RTBDN: variants seen among roughly 807,000 people sequenced by gnomAD.
RTBDN encodes retbindin.
In RTBDN, 24 loss-of-function variants were observed where a neutral mutation model predicts 21.9. The observed-to-expected ratio is 1.10, with a 90% CI of 0.79 to 1.54. The LOEUF (loss-of-function observed/expected upper bound fraction) is 1.54. RTBDN is among the 40% of genes most tolerant of loss of function. RTBDN has a pLI of 0.00. For synonymous variants in RTBDN, 141 were observed against 125.9 expected (o/e 1.12, Z -0.80); for missense variants, 325 against 315.2 (o/e 1.03, Z -0.23).
intron 2 of RTBDN, among the ~76,000 whole-genome samples, chr19:12,829,538 G>C (rs1308315731): frequency 2.0e-5 from 3 of 152,134 alleles, no homozygotes; most frequent in Non-Finnish European, 4.4e-5. Context: ...CAACAGCTCT[G>C]CGAGGTATAT....
chr19:12,827,804 C>T (rs1969373099), intron 4 of RTBDN, among the ~76,000 whole-genome samples: 1 of 152,086 alleles, frequency 6.6e-6, no homozygotes, highest in Non-Finnish European at 1.5e-5. Context: ...TAAGAAATCT[C>T]AGGGCCTGGC....
intron 5 of RTBDN, chr19:12,826,188 G>T (rs1208311312): frequency 2.9e-6 from 4 of 1,360,814 alleles, no homozygotes; most frequent in Non-Finnish European, 3.8e-6. Flanking sequence ...CAAGGCTGGG[G>T]TTTTGTAGAG....
chr19:12,834,195 G>T lies in RTBDN; in HGVS notation c.-19+294C>A, dbSNP rs374344908. Among the ~76,000 whole-genome samples the T allele has an allele frequency of 2.0e-5, 3 of 152,202 alleles. No individual in the cohort carries two copies. The South Asian group carries it at 6.2e-4, about 32-fold the overall frequency. On this transcript the variant is annotated intron_variant, in intron 1 of 5. Transcript: ENST00000674343. The surrounding 1 kb of genome is among the most constrained non-coding windows in gnomAD (Gnocchi z 4.7). ...CTGGGGACCCCGCCCCTCAGGCGCCGCCCGGCGATCCAGGGAGCTGCCGGA... is the reference window on the plus strand; with the variant it reads ...CTGGGGACCCCGCCCCTCAGGCGCCTCCCGGCGATCCAGGGAGCTGCCGGA...
chr19:12,828,908 G>A lies in RTBDN; in HGVS notation c.215C>T (p.Pro72Leu), dbSNP rs1409582576. Residue 72 changes from proline (P) to leucine (L), a missense_variant, in exon 3 of 6, where the codon CCT becomes CTT. Physicochemically the swap from Pro to Leu is moderately conservative, Grantham distance 98. Coordinates refer to ENST00000674343, the MANE Select transcript of RTBDN (RefSeq NM_001270441.2). ...SEMDTTETSG[P>L]GNHPERCGVP... ...TCCACAGCGTTCTGGATGGTTTCCAGGGCCCGATGTCTCTGTTGTGTCCAT... is the reference window on the plus strand; with the variant it reads ...TCCACAGCGTTCTGGATGGTTTCCAAGGCCCGATGTCTCTGTTGTGTCCAT... 3.1e-6 allele frequency: 5 copies of A among 1,614,084 alleles called. No individual in the cohort carries two copies. The African/African-American group carries it at 6.7e-5, about 22-fold the overall frequency.
In RTBDN at chr19:12,825,832, C is replaced by T. The variant is rs1969269868; in HGVS notation, c.564G>A (p.Ala188=). The change falls in exon 6 of 6, where the codon GCG becomes GCA. Residue 188 remains alanine (A), a synonymous_variant. Transcript: ENST00000674343. ...ARHCFNISIS[A]VPRPRPGRRG... ...GTCGTCCTGGTCTGGGACGAGGTAC[C>T]GCGGAGATGGAGATGTTGAAGCAGT... 1 of 1,613,422 alleles carries T rather than the reference C, an allele frequency of 6.2e-7. No individual in the cohort carries two copies. The highest frequency in any genetic ancestry group is 8.5e-7 in the Non-Finnish European group (1 of 1,179,820).
In RTBDN at chr19:12,828,538, T is replaced by C. The variant is rs1969414130; in HGVS notation, c.365+119A>G. 7.1e-6 allele frequency: 5 copies of C among 701,478 alleles called. No individual in the cohort carries two copies. The East Asian group carries it at 1.4e-4, about 19-fold the overall frequency. 43.5% of individuals were successfully genotyped at this position (701,478 alleles called of 1,614,324 possible). The stretch of plus-strand genomic sequence containing the variant: ...GGCTCTAAACATTAAGCTGCATCTC[T>C]TAAACCTTGGCCCTGTTGGAGGCCA... On this transcript the variant is annotated intron_variant, in intron 4 of 5. Transcript: ENST00000674343.
chr19:12,834,393 CG>C lies in RTBDN; in HGVS notation c.-19+95del. The C allele has an allele frequency of 1.0e-6, 1 of 957,570 alleles. No homozygotes were observed. Among genetic ancestry groups the C allele is most frequent in the Non-Finnish European group, 1.6e-6 (1 of 632,464 alleles). 59.3% of individuals were successfully genotyped at this position (957,570 alleles called of 1,614,324 possible). A position where few individuals can be genotyped will look rare whatever the true frequency, so the allele number is the denominator to read the frequency against. On this transcript the variant is annotated intron_variant, in intron 1 of 5. Transcript: ENST00000674343. This position sits in a 1 kb window ranked among gnomAD's most constrained non-coding sequence, Gnocchi z 4.7. ...TCATGCCCCTCGGGGCCATCGGCGCCGCTGGAGGCGTAAACATGTTTGTGCG... is the reference window on the plus strand; with the variant it reads ...TCATGCCCCTCGGGGCCATCGGCGCCCTGGAGGCGTAAACATGTTTGTGCG...
Position 12,825,543 on chromosome 19 carries a change from T to C in RTBDN, c.*163A>G, listed in dbSNP as rs1025653892. On this transcript the variant is annotated 3_prime_UTR_variant, in exon 6 of 6. Coordinates refer to ENST00000674343, the MANE Select transcript of RTBDN (RefSeq NM_001270441.2). ...AAAAGTGAGAGAGTTGGGTCATTTCTGGGATAACCTGGAGAGGGGTGGGTC... is the reference window on the plus strand; with the variant it reads ...AAAAGTGAGAGAGTTGGGTCATTTCCGGGATAACCTGGAGAGGGGTGGGTC... 2.7e-6 allele frequency: 3 copies of C among 1,109,892 alleles called. No individual in the cohort carries two copies. In the African/African-American group the frequency reaches 4.9e-5, roughly 18 times the overall value. The allele number at this position is 1,109,892 out of a possible 1,614,324, so 68.8% of individuals were successfully genotyped here.
At chr19:12,829,655 C>T (rs1312376204) in intron 2 of RTBDN, among the ~76,000 whole-genome samples, 156 bp downstream of exon 2, 2 of 152,386 alleles carry the variant, frequency 1.3e-5, no homozygotes, top group Middle Eastern at 3.4e-3. Flanking sequence ...TGAACCCAGG[C>T]AGTCTAATTC....
chr19:12,832,206 G>A (rs563313848), intron 1 of RTBDN, among the ~76,000 whole-genome samples: 1 of 152,296 alleles, frequency 6.6e-6, no homozygotes, highest in Admixed American at 6.5e-5. Context: ...GACTGTGAGT[G>A]TTCGTGTGCC....
Position 12,834,379 on chromosome 19 carries a change from G to C in RTBDN, c.-19+110C>G. The stretch of plus-strand genomic sequence containing the variant: ...TATTGCCCTAGGGCTCATGCCCCTC[G>C]GGGCCATCGGCGCCGCTGGAGGCGT... On this transcript the variant is annotated intron_variant, in intron 1 of 5. Coordinates refer to ENST00000674343, the MANE Select transcript of RTBDN (RefSeq NM_001270441.2). The surrounding 1 kb of genome is among the most constrained non-coding windows in gnomAD (Gnocchi z 4.7). 12 of 809,432 alleles carry C rather than the reference G, an allele frequency of 1.5e-5. No homozygotes were observed. The highest frequency in any genetic ancestry group is 3.1e-5 in the South Asian group (2 of 63,916). The allele number at this position is 809,432 out of a possible 1,614,324, so 50.1% of individuals were successfully genotyped here.
At chr19:12,828,093 C>CA (rs61021695) in intron 4 of RTBDN, among the ~76,000 whole-genome samples, 246 of 125,216 alleles carry the variant, frequency 2.0e-3, no homozygotes, top group Middle Eastern at 4.9e-3. Flanking sequence ...AACTCCATCT[C>CA]AAAAAAAAAA....
intron 2 of RTBDN, among the ~76,000 whole-genome samples, chr19:12,829,597 A>C (rs973338219): frequency 4.6e-5 from 7 of 152,232 alleles, no homozygotes; most frequent in African/African-American, 1.7e-4. Flanking sequence ...AGAGAGGTTA[A>C]ATGACTTCCT....
At chr19:12,833,451 A>G (rs1969647570) in intron 1 of RTBDN, among the ~76,000 whole-genome samples, 1 of 151,812 alleles carries the variant, frequency 6.6e-6, no homozygotes, top group South Asian at 2.1e-4. Context: ...CTCAGGGACC[A>G]TATCTATTAG....
At position 12,825,809 on chromosome 19, in the gene RTBDN, C is replaced by A; in HGVS notation, c.587G>T (p.Arg196Leu). ...ISAVPRPRPGRRGREAPSRRS... is the reference protein window; with the variant it reads ...ISAVPRPRPGLRGREAPSRRS... The stretch of plus-strand genomic sequence containing the variant: ...CCGGGAGGGAGCTTCCCGGCCCCGT[C>A]GTCCTGGTCTGGGACGAGGTACCGC... The change falls in exon 6 of 6, where the codon CGA (arginine) becomes CTA (leucine). Residue 196 changes from arginine to leucine, a missense_variant. By Grantham distance (102) the Arg-to-Leu change is moderately radical. Coordinates refer to ENST00000674343, the MANE Select transcript of RTBDN (RefSeq NM_001270441.2). 1 of 1,612,326 alleles carries A rather than the reference C, an allele frequency of 6.2e-7. No homozygotes were observed. The highest frequency in any genetic ancestry group is 8.5e-7 in the Non-Finnish European group (1 of 1,179,018).
intron 5 of RTBDN, chr19:12,826,511 T>C (rs1599548020): frequency 1.2e-6 from 1 of 817,762 alleles, no homozygotes; most frequent in Non-Finnish European, 1.7e-6. Context: ...CTGGCCAACA[T>C]GGTGAAACGC....
At chr19:12,834,892 C>T (rs778635393), upstream of RTBDN, 11 of 1,601,960 alleles carry the variant, frequency 6.9e-6, no homozygotes, top group East Asian at 2.2e-5. This position sits in a 1 kb window ranked among gnomAD's most constrained non-coding sequence, Gnocchi z 4.7. Context: ...GAGGTCCGGT[C>T]CCAAACATCC....
chr19:12,835,260 G>C (rs1230536742), upstream of RTBDN: 1 of 667,472 alleles, frequency 1.5e-6, no homozygotes, highest in African/African-American at 1.8e-5. Flanking sequence ...TGCTTTCAGA[G>C]CCCAGATGGC....
chr19:12,834,918 T>C (rs1432493936), upstream of RTBDN: 2 of 1,575,184 alleles, frequency 1.3e-6, no homozygotes, highest in African/African-American at 2.7e-5. The surrounding 1 kb of genome is among the most constrained non-coding windows in gnomAD (Gnocchi z 4.7). Context: ...GGGAAGGTGA[T>C]GATATCTGTG....
Sources: allele counts gnomAD v4.1 joint callset (sites outside exome capture counted in the v4.1 genomes callset), GRCh38; gene constraint gnomAD v4.1.1; non-coding constraint Gnocchi (gnomAD v3.1); transcripts MANE v1.5; gene names NCBI Gene and HGNC (gene_info 2026-07-23, HGNC 2026-07-21).